Variants in ELL2 observed in about 807,000 individuals in gnomAD.
ELL2 encodes elongation factor for RNA polymerase II 2.
ELL2 carries 21 observed loss-of-function variants against 72.8 expected under a neutral mutation model. The ratio of observed to expected loss-of-function variants is 0.29; its 90% confidence interval spans 0.20 to 0.42. The LOEUF (loss-of-function observed/expected upper bound fraction) is 0.42. Ranked by LOEUF, ELL2 falls within the 10% of genes least tolerant of loss-of-function variation. The pLI, the probability that ELL2 is intolerant of heterozygous loss-of-function variation, is 1.00. For missense variants in ELL2, 568 were observed against 772.8 expected (o/e 0.73, Z 3.14); for synonymous variants, 266 against 283.2 (o/e 0.94, Z 0.61).
chr5:95,913,903 A>G lies in ELL2; in HGVS notation c.349T>C (p.Phe117Leu), dbSNP rs748448228. 1 of 1,610,778 alleles carries G rather than the reference A, an allele frequency of 6.2e-7. No homozygotes were observed. The highest frequency in any genetic ancestry group is 8.5e-7 in the Non-Finnish European group (1 of 1,178,778). ...SGASQLNCLG[F>L]IQDKITVCAT... ...CACACTGTAATTTTATCTTGTATAA[A>G]TCCCAGGCAATTGAGCTGGGAGGCT... The change falls in exon 4 of 12, where the codon TTT becomes CTT. Residue 117 changes from phenylalanine to leucine, a missense_variant. By Grantham distance (22) the Phe-to-Leu change is conservative (BLOSUM62 0). This residue lies in a region of ELL2 where 511 missense variants were observed against 728.4 expected (regional missense o/e 0.70). Coordinates refer to ENST00000237853, the MANE Select transcript of ELL2 (RefSeq NM_012081.6).
chr5:95,901,149 C>T (rs974899561), intron 5 of ELL2, 69 bp from the exon 6 acceptor site: 1 of 1,485,268 alleles, frequency 6.7e-7, no homozygotes, highest in African/African-American at 1.4e-5. Context: ...AACAGGCAAC[C>T]TTTAGGATTT....
At chr5:95,939,824 G>T (rs538279129) in intron 2 of ELL2, among the ~76,000 whole-genome samples, 1 of 152,276 alleles carries the variant, frequency 6.6e-6, no homozygotes, top group East Asian at 1.9e-4. Context: ...TGGAAATTGG[G>T]TGCATTATAC....
chr5:95,933,136 T>C (rs900263750), intron 2 of ELL2, among the ~76,000 whole-genome samples: 3 of 152,216 alleles, frequency 2.0e-5, no homozygotes, highest in African/African-American at 7.2e-5. Context: ...CAATATTGGC[T>C]GGGGAAAACC....
At chr5:95,900,649 C>T (rs752720323) in intron 7 of ELL2, 44 bp downstream of exon 7, 1 of 1,381,768 alleles carries the variant, frequency 7.2e-7, no homozygotes, top group East Asian at 2.4e-5. Flanking sequence ...ATTAGAGGCC[C>T]CTAATATCTA....
intron 3 of ELL2, 110 bp downstream of exon 3, chr5:95,919,314 C>A: frequency 7.5e-7 from 1 of 1,330,708 alleles, no homozygotes; most frequent in East Asian, 2.7e-5. Flanking sequence ...CTCTGTAATT[C>A]AATTTAATAC....
At chr5:95,912,450 CA>C (rs1461319119) in intron 4 of ELL2, among the ~76,000 whole-genome samples, 11 of 152,142 alleles carry the variant, frequency 7.2e-5, no homozygotes, top group African/African-American at 2.7e-4. Flanking sequence ...TTCCAAGCAA[CA>C]GGGGTAGATC....
intron 2 of ELL2, among the ~76,000 whole-genome samples, chr5:95,923,209 A>G (rs1750159245): frequency 6.6e-6 from 1 of 150,826 alleles, no homozygotes; most frequent in African/African-American, 2.5e-5. Flanking sequence ...ACACAATGAG[A>G]CCCTGTGTCT....
At chr5:95,915,336 C>T (rs1319426276) in intron 3 of ELL2, among the ~76,000 whole-genome samples, 2 of 152,196 alleles carry the variant, frequency 1.3e-5, no homozygotes, top group African/African-American at 4.8e-5. Context: ...CTCTTGACCT[C>T]ATGAACACTC....
chr5:95,912,816 G>A (rs1749655459), intron 4 of ELL2, among the ~76,000 whole-genome samples: 3 of 152,216 alleles, frequency 2.0e-5, no homozygotes, highest in Non-Finnish European at 4.4e-5. Context: ...AAAGCTGAAT[G>A]TACTGTAGCT....
At position 95,895,544 on chromosome 5, in the gene ELL2, T is replaced by A. The variant is rs1748837893; in HGVS notation, c.1589+84A>T. 7 of 1,337,856 alleles carry A rather than the reference T, an allele frequency of 5.2e-6. No individual in the cohort carries two copies. In the East Asian group the frequency reaches 1.1e-4, roughly 22 times the overall value. 82.9% of individuals were successfully genotyped at this position (1,337,856 alleles called of 1,614,324 possible). A position where few individuals can be genotyped will look rare whatever the true frequency, so the allele number is the denominator to read the frequency against. On this transcript the variant is annotated intron_variant, in intron 9 of 11. Transcript: ENST00000237853. ...ACTCTATTTCTGGAACTTCTTACTTTTCTGATTTGCAAATTATGGGAAAAG... is the reference window on the plus strand; with the variant it reads ...ACTCTATTTCTGGAACTTCTTACTTATCTGATTTGCAAATTATGGGAAAAG...
At chr5:95,952,308 G>A (rs998770628) in intron 1 of ELL2, among the ~76,000 whole-genome samples, 5 of 152,174 alleles carry the variant, frequency 3.3e-5, no homozygotes, top group Non-Finnish European at 7.3e-5. Flanking sequence ...TACTTTGAGG[G>A]TGGAGGGTGG....
chr5:95,947,929 C>T (rs900746835), intron 1 of ELL2, among the ~76,000 whole-genome samples: 14 of 151,802 alleles, frequency 9.2e-5, no homozygotes, highest in African/African-American at 3.4e-4. Context: ...TATTTGTTAC[C>T]ATTTTATTTA....
In ELL2 at chr5:95,961,811, A is replaced by C; in HGVS notation, c.-90T>G. On this transcript the variant is annotated 5_prime_UTR_variant, in exon 1 of 12. Transcript: ENST00000237853. ...TGCTTGGGCTTCTGCAGCCGCCGCC[A>C]CTGCTAGGGCCATCCCGCTGCTGAC... 1 of 1,449,170 alleles carries C rather than the reference A, an allele frequency of 6.9e-7. No individual in the cohort carries two copies. The highest frequency in any genetic ancestry group is 1.4e-5 in the South Asian group (1 of 72,714). The allele number at this position is 1,449,170 out of a possible 1,614,324, so 89.8% of individuals were successfully genotyped here. A position where few individuals can be genotyped will look rare whatever the true frequency, so the allele number is the denominator to read the frequency against.
intron 3 of ELL2, among the ~76,000 whole-genome samples, chr5:95,917,050 C>T (rs555453604): frequency 4.5e-4 from 68 of 152,302 alleles, no homozygotes; most frequent in African/African-American, 1.5e-3. Flanking sequence ...CCTTCTCAAC[C>T]GAGTTACCCT....
At chr5:95,922,575 C>G (rs1750129696) in intron 2 of ELL2, among the ~76,000 whole-genome samples, 1 of 152,158 alleles carries the variant, frequency 6.6e-6, no homozygotes, top group African/African-American at 2.4e-5. Context: ...TAGCTTTTTC[C>G]TTTCTCATCC....
rs879393706 is a variant in ELL2, at chr5:95,896,626, A to C, written c.1526-935T>G. Among the ~76,000 whole-genome samples, 226 of 152,334 alleles carry C rather than the reference A, an allele frequency of 1.5e-3. 2 individuals are homozygous for C. Among genetic ancestry groups the C allele is most frequent in the Non-Finnish European group, 1.1e-3 (75 of 68,028 alleles). On this transcript the variant is annotated intron_variant, in intron 8 of 11. Coordinates refer to ENST00000237853, the MANE Select transcript of ELL2 (RefSeq NM_012081.6). The stretch of plus-strand genomic sequence containing the variant: ...AAGAACATGCTTTTACGATAGTCTG[A>C]GTCTTAAAGAGAAAGGCATCAAGTG...
At chr5:95,961,433 G>C (rs1418824523) in intron 1 of ELL2, 142 bp downstream of exon 1, 71 of 1,050,334 alleles carry the variant, frequency 6.8e-5, no homozygotes, top group Non-Finnish European at 8.5e-5. Context: ...CACCCTGCCC[G>C]GCCCTGCCCT....
intron 2 of ELL2, among the ~76,000 whole-genome samples, chr5:95,926,475 A>G (rs1467785103): frequency 6.6e-6 from 1 of 152,186 alleles, no homozygotes; most frequent in Non-Finnish European, 1.5e-5. Flanking sequence ...TTCAGGTCAT[A>G]TAACAATAAT....
intron 2 of ELL2, among the ~76,000 whole-genome samples, chr5:95,941,841 T>G (rs2112347190): frequency 6.6e-6 from 1 of 152,310 alleles, no homozygotes; most frequent in Non-Finnish European, 1.5e-5. Context: ...ACACCTGAAC[T>G]AAGCCCTCAA....
Sources: allele counts gnomAD v4.1 joint callset (sites outside exome capture counted in the v4.1 genomes callset), GRCh38; gene constraint gnomAD v4.1.1; regional missense constraint gnomAD v4.1.1; transcripts MANE v1.5; gene names NCBI Gene and HGNC (gene_info 2026-07-23, HGNC 2026-07-21).